NEBL: variants seen among roughly 807,000 people sequenced by gnomAD.
NEBL encodes nebulette.
A neutral mutation model predicts 140.2 loss-of-function variants in NEBL; 122 were observed. The ratio of observed to expected loss-of-function variants is 0.87; its 90% CI spans 0.75 to 1.01. The LOEUF (loss-of-function observed/expected upper bound fraction) is 1.01. Among genes scored for constraint, NEBL ranks in the 50% least tolerant of loss-of-function variants. The pLI is 0.00. For synonymous variants in NEBL, 436 were observed against 398.9 expected, an observed-to-expected ratio of 1.09 and a Z score of -1.11; for missense variants, 1,365 against 1,231.3, an observed-to-expected ratio of 1.11 and a Z score of -1.62.
chr10:21,239,750 G>A (rs894515221), intron 3 of NEBL, among the ~76,000 whole-genome samples: 1 of 152,154 alleles, frequency 6.6e-6, no homozygotes, highest in Non-Finnish European at 1.5e-5. Context: ...GGGCGCGGTG[G>A]CTCACGCCTG....
chr10:21,178,058 G>A (rs1341879760), upstream of NEBL, among the ~76,000 whole-genome samples: 1 of 152,312 alleles, frequency 6.6e-6, no homozygotes, highest in African/African-American at 2.4e-5. Flanking sequence ...AAGGAAAAAG[G>A]TCAATTTTAG....
chr10:21,233,204 G>A (rs2132256533), intron 3 of NEBL, among the ~76,000 whole-genome samples: 1 of 152,160 alleles, frequency 6.6e-6, no homozygotes, highest in African/African-American at 2.4e-5. Flanking sequence ...GGGACTACAG[G>A]CACTCGCTAA....
intron 3 of NEBL, among the ~76,000 whole-genome samples, chr10:21,210,776 C>A (rs73609235): frequency 3.0e-3 from 452 of 152,278 alleles, no homozygotes; most frequent in African/African-American, 9.6e-3. Flanking sequence ...GAGGAACATA[C>A]GTTAAGATAT....
rs1840862176 is a variant in NEBL at position 20,836,086 on chromosome 10, T to A, written c.1339-463A>T. Among the ~76,000 whole-genome samples the A allele has an allele frequency of 2.6e-5, 4 of 152,098 alleles. No individual in the cohort carries two copies. The South Asian group carries it at 8.3e-4, about 32-fold the overall frequency. On this transcript the variant is annotated intron_variant, in intron 13 of 27. Transcript: ENST00000377122. ...GCTTTGTAGATATTGCATTTTTTTT[T>A]ACAAACTGAAGGTTTGTGGCAACTC...
intron 13 of NEBL, among the ~76,000 whole-genome samples, chr10:20,838,836 T>C (rs1293111164): frequency 6.6e-6 from 1 of 152,206 alleles, no homozygotes; most frequent in Admixed American, 6.5e-5. Context: ...CAGATGATCA[T>C]TAGCACTATT....
At chr10:21,110,562 A>AT in intron 2 of NEBL, 1 of 209,380 alleles carries the variant, frequency 4.8e-6, no homozygotes, top group East Asian at 1.4e-4. Context: ...CTATTCAGCG[A>AT]TTTTCATACT....
At chr10:20,828,038 T>C (rs1282739785) in intron 17 of NEBL, among the ~76,000 whole-genome samples, 1 of 151,734 alleles carries the variant, frequency 6.6e-6, no homozygotes, top group African/African-American at 2.4e-5. Flanking sequence ...AGTTTACCTA[T>C]GTAAAAACCT....
chr10:20,962,195 A>C (rs1254004538), intron 3 of NEBL, among the ~76,000 whole-genome samples: 1 of 152,242 alleles, frequency 6.6e-6, no homozygotes, highest in Non-Finnish European at 1.5e-5. Context: ...GTAGAAAAAG[A>C]AAGCTAAATC....
At chr10:20,847,272 T>C (rs1165342172) in intron 11 of NEBL, among the ~76,000 whole-genome samples, 1 of 152,182 alleles carries the variant, frequency 6.6e-6, no homozygotes, top group African/African-American at 2.4e-5. Flanking sequence ...TACTGAAAGA[T>C]TTCACTCTCC....
chr10:20,808,589 T>A lies in NEBL; in HGVS notation c.2682A>T (p.Gly894=), dbSNP rs1334949712. The part of the protein sequence containing the change: ...HSSSTFGTGL[G]DDRSEISEIY... ...TCTCGGAGATTTCTGACCTGTCGTC[T>A]CCGAGACCTGTACCGAAAGTACTGC... The change falls in exon 26 of 28, where the codon GGA becomes GGT. Residue 894 remains glycine (G), a synonymous_variant. Transcript: ENST00000377122. 1 of 1,613,644 alleles carries A rather than the reference T, an allele frequency of 6.2e-7. No homozygotes were observed. The highest frequency in any genetic ancestry group is 1.3e-5 in the African/African-American group (1 of 74,888).
chr10:20,889,883 G>T lies in NEBL; in HGVS notation c.220C>A (p.Leu74Ile). ...KCTFVTDSPM[L>I]NHVKNIGAFI... ...GCACCGATATTTTTTACATGGTTTA[G>T]CATAGGACTGTCAGTCACAAATGTA... is the stretch of plus-strand genomic sequence containing the variant. The change falls in exon 3 of 28, where the codon CTA (leucine) becomes ATA (isoleucine). Residue 74 changes from leucine to isoleucine, a missense_variant. Coordinates refer to ENST00000377122, the MANE Select transcript of NEBL (RefSeq NM_006393.3). 6.2e-7 allele frequency: 1 copy of T among 1,612,858 alleles called. No homozygotes were observed. Among genetic ancestry groups the T allele is most frequent in the Non-Finnish European group, 8.5e-7 (1 of 1,179,068 alleles).
upstream of NEBL, among the ~76,000 whole-genome samples, chr10:20,898,874 G>A (rs540804452): frequency 2.6e-4 from 39 of 152,170 alleles, no homozygotes; most frequent in African/African-American, 8.9e-4. Flanking sequence ...CGACTGCTTA[G>A]GGAAACATTG....
intron 4 of NEBL, among the ~76,000 whole-genome samples, chr10:20,949,426 C>T (rs971273786): frequency 6.6e-6 from 1 of 152,076 alleles, no homozygotes; most frequent in Non-Finnish European, 1.5e-5. Flanking sequence ...AACAAACTTG[C>T]ACATTCTGCA....
chr10:20,851,594 T>G (rs1842523616), intron 10 of NEBL, among the ~76,000 whole-genome samples: 2 of 146,452 alleles, frequency 1.4e-5, no homozygotes, highest in Non-Finnish European at 3.0e-5. Context: ...GCCAATATAG[T>G]GAAACCCCGT....
At chr10:21,250,086 A>T (rs2132271815) in intron 2 of NEBL, among the ~76,000 whole-genome samples, 1 of 152,288 alleles carries the variant, frequency 6.6e-6, no homozygotes, top group Admixed American at 6.5e-5. Flanking sequence ...ATCATATTTC[A>T]CAATGGATCT....
intron 3 of NEBL, among the ~76,000 whole-genome samples, chr10:20,971,415 C>G (rs1156458899): frequency 1.3e-5 from 2 of 151,286 alleles, no homozygotes; most frequent in East Asian, 3.9e-4. Flanking sequence ...ATATAAATAG[C>G]TTAATTCACA....
At chr10:20,935,702 G>A (rs1277829323) in intron 4 of NEBL, among the ~76,000 whole-genome samples, 1 of 152,164 alleles carries the variant, frequency 6.6e-6, no homozygotes, top group Non-Finnish European at 1.5e-5. Flanking sequence ...TAATCTTGAT[G>A]CTTATCACAA....
intron 1 of NEBL, among the ~76,000 whole-genome samples, chr10:21,263,800 A>G (rs192395140): frequency 1.3e-5 from 2 of 152,258 alleles, no homozygotes; most frequent in African/African-American, 4.8e-5. Context: ...CCCCGTCTCT[A>G]CTAAAAATAC....
chr10:21,200,175 G>A (rs559935608), intron 3 of NEBL, among the ~76,000 whole-genome samples: 103 of 152,098 alleles, frequency 6.8e-4, no homozygotes, highest in African/African-American at 2.2e-3. Context: ...AAGAGCATGC[G>A]GCCCCCACTC....
Sources: allele counts gnomAD v4.1 joint callset (sites outside exome capture counted in the v4.1 genomes callset), GRCh38; gene constraint gnomAD v4.1.1; transcripts MANE v1.5; gene names NCBI Gene and HGNC (gene_info 2026-07-23, HGNC 2026-07-21).